The following FSTL5 variants were observed in gnomAD, a reference collection of about 807,000 sequenced individuals.
FSTL5 encodes follistatin-related protein 5.
Under a neutral mutation model 89.1 loss-of-function variants are expected in FSTL5, and 62 were observed. That is an observed-to-expected ratio of 0.70 (90% CI 0.57 to 0.86). The LOEUF (loss-of-function observed/expected upper bound fraction) is 0.86. Ranked by LOEUF, FSTL5 falls within the 40% of genes least tolerant of loss-of-function variation. The probability of loss-of-function intolerance (pLI) is 0.00; values close to 1 mark genes in which losing one functional copy is unlikely to be tolerated. For synonymous variants in FSTL5, 383 were observed against 346.2 expected, an observed-to-expected ratio of 1.11 and a Z score of -1.18; for missense variants, 1,057 against 1,001.6, an observed-to-expected ratio of 1.06 and a Z score of -0.75.
At chr4:161,950,457 C>G (rs961514917) in intron 3 of FSTL5, among the ~76,000 whole-genome samples, 1 of 152,118 alleles carries the variant, frequency 6.6e-6, no homozygotes, top group African/African-American at 2.4e-5. Flanking sequence ...TCCTCTCGAC[C>G]TTCCCATCCG....
intron 4 of FSTL5, among the ~76,000 whole-genome samples, chr4:161,804,022 T>C (rs562427041): frequency 6.6e-6 from 1 of 152,122 alleles, no homozygotes; most frequent in South Asian, 2.1e-4. Context: ...TGGAGTCTCT[T>C]TTTGTTGCTA....
intron 4 of FSTL5, among the ~76,000 whole-genome samples, chr4:161,877,790 C>A (rs1436062304): frequency 1.3e-5 from 2 of 151,956 alleles, no homozygotes; most frequent in Admixed American, 1.3e-4. Context: ...CGCGCCACTG[C>A]ACTCCAGCCT....
intron 4 of FSTL5, among the ~76,000 whole-genome samples, chr4:161,811,156 C>G (rs189656586): frequency 3.6e-4 from 54 of 152,104 alleles, no homozygotes; most frequent in Middle Eastern, 3.4e-3. Context: ...TGGAGAACAC[C>G]TTTTTGTTGA....
chr4:161,553,388 G>T (rs1185276200), intron 8 of FSTL5, among the ~76,000 whole-genome samples: 1 of 151,244 alleles, frequency 6.6e-6, no homozygotes, highest in African/African-American at 2.4e-5. Context: ...ACCAAAGGAT[G>T]TAAATATATA....
chr4:161,728,689 C>G (rs79323579), intron 6 of FSTL5, among the ~76,000 whole-genome samples: 3,095 of 151,878 alleles, frequency 0.02, 75 homozygotes, highest in South Asian at 0.11. Flanking sequence ...CCTAGGAAAA[C>G]TGTATAATAA....
At chr4:161,935,148 CTAGT>C (rs1190530302) in intron 3 of FSTL5, among the ~76,000 whole-genome samples, 1 of 152,086 alleles carries the variant, frequency 6.6e-6, no homozygotes, top group Non-Finnish European at 1.5e-5. Flanking sequence ...GCTCCAGTTC[CTAGT>C]TAATGATTCT....
chr4:161,695,013 C>A (rs1163206079), intron 6 of FSTL5, among the ~76,000 whole-genome samples: 4 of 151,848 alleles, frequency 2.6e-5, no homozygotes, highest in South Asian at 2.1e-4. Context: ...CCTTTAAATT[C>A]TTTTTTTAAA....
intron 4 of FSTL5, among the ~76,000 whole-genome samples, chr4:161,842,693 T>G (rs1331778874): frequency 6.6e-6 from 1 of 152,118 alleles, no homozygotes; most frequent in Non-Finnish European, 1.5e-5. Context: ...TATTGATTTT[T>G]GGCAAATATA....
At chr4:161,747,089 T>G (rs955163973) in intron 6 of FSTL5, among the ~76,000 whole-genome samples, 7 of 152,206 alleles carry the variant, frequency 4.6e-5, no homozygotes, top group African/African-American at 1.4e-4. Flanking sequence ...ATTTCCTAAA[T>G]AACAGAAAAG....
chr4:161,719,647 G>C (rs981714452), intron 6 of FSTL5, among the ~76,000 whole-genome samples: 1 of 152,026 alleles, frequency 6.6e-6, no homozygotes, highest in African/African-American at 2.4e-5. Context: ...TGTCCGCTTT[G>C]ATCTCTTTCA....
intron 7 of FSTL5, among the ~76,000 whole-genome samples, chr4:161,614,927 G>T (rs566761997): frequency 6.6e-6 from 1 of 152,172 alleles, no homozygotes; most frequent in Non-Finnish European, 1.5e-5. Flanking sequence ...ACCTCAAATA[G>T]AAAAATTCAT....
At chr4:161,975,922 T>C (rs1406604099) in intron 3 of FSTL5, among the ~76,000 whole-genome samples, 1 of 150,624 alleles carries the variant, frequency 6.6e-6, no homozygotes, top group African/African-American at 2.4e-5. Context: ...GAGACCATCC[T>C]GGCTAACACC....
intron 1 of FSTL5, among the ~76,000 whole-genome samples, chr4:162,124,989 T>C (rs1287262091): frequency 2.6e-5 from 4 of 152,170 alleles, no homozygotes; most frequent in East Asian, 3.9e-4. Context: ...AGGCATGAGC[T>C]ACCTCGCCTG....
At chr4:161,578,284 G>A (rs1733304140) in intron 8 of FSTL5, among the ~76,000 whole-genome samples, 2 of 152,066 alleles carry the variant, frequency 1.3e-5, no homozygotes, top group South Asian at 4.1e-4. Context: ...TAGAATTTAT[G>A]TCGTTGAAAA....
chr4:161,631,574 A>C (rs192731636), intron 7 of FSTL5, among the ~76,000 whole-genome samples: 1 of 152,256 alleles, frequency 6.6e-6, no homozygotes, highest in African/African-American at 2.4e-5. Flanking sequence ...CCTAGATCGT[A>C]CCATTTCACT....
intron 8 of FSTL5, among the ~76,000 whole-genome samples, chr4:161,566,246 G>A (rs190531214): frequency 6.7e-6 from 1 of 150,174 alleles, no homozygotes; most frequent in Admixed American, 6.7e-5. Context: ...TATCCTAAGT[G>A]AAGTAACTCA....
rs138508871 is a variant in FSTL5 at position 161,823,441 on chromosome 4, G to A, written c.410-47367C>T. Among the ~76,000 whole-genome samples the A allele has an allele frequency of 2.0e-3, 298 of 152,314 alleles. 1 individual carries two copies. The highest frequency in any genetic ancestry group is 4.9e-3 in the African/African-American group (202 of 41,572). ...GGGGCTGGCATGTCAGCACAGCCCCGAGTTCATGTACACTCAACCAGGTTA... is the reference window on the plus strand; with the variant it reads ...GGGGCTGGCATGTCAGCACAGCCCCAAGTTCATGTACACTCAACCAGGTTA... On this transcript the variant is annotated intron_variant, in intron 4 of 15. Transcript: ENST00000306100.
At chr4:162,037,321 A>G (rs557193177) in intron 2 of FSTL5, among the ~76,000 whole-genome samples, 1 of 151,872 alleles carries the variant, frequency 6.6e-6, no homozygotes, top group Admixed American at 6.6e-5. Context: ...AACATATTCA[A>G]TCTTGATTTA....
chr4:162,093,249 T>C (rs1730619865), intron 2 of FSTL5, among the ~76,000 whole-genome samples: 1 of 152,142 alleles, frequency 6.6e-6, no homozygotes, highest in Non-Finnish European at 1.5e-5. Context: ...TTTTGTGTGT[T>C]TTGCTTTCTT....
Sources: allele counts gnomAD v4.1 joint callset (sites outside exome capture counted in the v4.1 genomes callset), GRCh38; gene constraint gnomAD v4.1.1; transcripts MANE v1.5; gene names NCBI Gene and HGNC (gene_info 2026-07-23, HGNC 2026-07-21).